POMGNT1: variants seen among roughly 807,000 people sequenced by gnomAD.
POMGNT1 encodes the protein protein O-linked-mannose beta-1,2-N-acetylglucosaminyltransferase 1.
In POMGNT1, 67 loss-of-function variants were observed where a neutral mutation model predicts 95.6. The observed-to-expected ratio is 0.70, with a 90% confidence interval of 0.58 to 0.86. The LOEUF (loss-of-function observed/expected upper bound fraction) is 0.86, where lower values mean the gene tolerates loss of function less well. POMGNT1 is among the 40% of genes least tolerant of loss of function. POMGNT1 has a pLI of 0.00. For synonymous variants in POMGNT1, 298 were observed against 317.9 expected, an observed-to-expected ratio of 0.94 and a Z score of 0.66; for missense variants, 719 against 855.2, an observed-to-expected ratio of 0.84 and a Z score of 1.99.
In POMGNT1 at chr1:46,189,097, A is replaced by G; in HGVS notation, c.*173T>C. 2.0e-6 allele frequency: 3 copies of G among 1,502,916 alleles called. No individual in the cohort carries two copies. The South Asian group carries it at 4.1e-5, about 20-fold the overall frequency. 93.1% of individuals were successfully genotyped at this position (1,502,916 alleles called of 1,614,324 possible). ...AAATAAATAGACTTTTAACTCAGGA[A>G]CGGGGTGTTGGAGCAGGGGAACCCT... On this transcript the variant is annotated 3_prime_UTR_variant, in exon 22 of 22. Coordinates refer to ENST00000371984, the MANE Select transcript of POMGNT1 (RefSeq NM_017739.4).
At chr1:46,197,496 G>C (rs754132410) in intron 2 of POMGNT1, 1 of 1,490,526 alleles carries the variant, frequency 6.7e-7, no homozygotes, top group Non-Finnish European at 8.9e-7. Context: ...TCCGTCAGAA[G>C]CTTAGAAGTT....
At chr1:46,190,561 C>G in intron 18 of POMGNT1, 44 bp from the exon 19 acceptor site, 1 of 1,555,926 alleles carries the variant, frequency 6.4e-7, no homozygotes, top group Non-Finnish European at 8.9e-7. Context: ...GGCAGGCCCT[C>G]AGGTCCCATG....
chr1:46,192,303 G>T lies in POMGNT1; in HGVS notation c.1413+5C>A. ...CCAGCCCCCTCACCCTACCCTGACA[G>T]TTACCTTTTCCGGTGTAGGCCACTT... is the stretch of plus-strand genomic sequence containing the variant. On this transcript the variant is annotated splice_donor_5th_base_variant and intron_variant, in intron 16 of 21. Transcript: ENST00000371984. 6.2e-7 allele frequency: 1 copy of T among 1,614,170 alleles called. No homozygotes were observed. Among genetic ancestry groups the T allele is most frequent in the South Asian group, 1.1e-5 (1 of 91,074 alleles).
At chr1:46,212,619 C>T (rs1324043531) in intron 1 of POMGNT1, among the ~76,000 whole-genome samples, 1 of 151,850 alleles carries the variant, frequency 6.6e-6, no homozygotes, top group African/African-American at 2.4e-5. Context: ...CTCTGTCACC[C>T]AAGCTATAGT....
chr1:46,216,498 C>T (rs1291670069), intron 1 of POMGNT1, among the ~76,000 whole-genome samples: 1 of 152,082 alleles, frequency 6.6e-6, no homozygotes, highest in African/African-American at 2.4e-5. Context: ...CATACCACCA[C>T]ACCTGACTAA....
Position 46,196,297 on chromosome 1 carries a change from A to G in POMGNT1, c.355-220T>C, listed in dbSNP as rs909848313. On this transcript the variant is annotated intron_variant, in intron 4 of 21. Coordinates refer to ENST00000371984, the MANE Select transcript of POMGNT1 (RefSeq NM_017739.4). The surrounding 1 kb of genome is among the most constrained non-coding windows in gnomAD (Gnocchi z 4.4). ...ACGTCTTTCTACAACCCTCCCCTCC[A>G]TGACTTTCATGGCTCTTAGAGCCTC... Among the ~76,000 whole-genome samples, 1 of 152,130 alleles carries G rather than the reference A, an allele frequency of 6.6e-6. No individual in the cohort carries two copies. Among genetic ancestry groups the G allele is most frequent in the Non-Finnish European group, 1.5e-5 (1 of 68,004 alleles).
At chr1:46,202,118 A>C (rs1024196189), upstream of POMGNT1, among the ~76,000 whole-genome samples, 2 of 151,238 alleles carry the variant, frequency 1.3e-5, no homozygotes, top group Non-Finnish European at 3.0e-5. Flanking sequence ...GAAAAAAAAA[A>C]ACTAAAAGTT....
chr1:46,190,595 G>A, intron 18 of POMGNT1, 78 bp from the exon 19 acceptor site: 1 of 1,533,052 alleles, frequency 6.5e-7, no homozygotes, highest in Non-Finnish European at 9.0e-7. Context: ...AGGGCAAGGG[G>A]TCACATGGGA....
At chr1:46,189,786 C>T in intron 20 of POMGNT1, 68 bp downstream of exon 20, 1 of 1,605,042 alleles carries the variant, frequency 6.2e-7, no homozygotes, top group South Asian at 1.1e-5. Context: ...GCAAAGGCTC[C>T]CTGGATCTTG....
chr1:46,212,246 A>G (rs12141928), intron 1 of POMGNT1, among the ~76,000 whole-genome samples: 31,613 of 151,938 alleles, frequency 0.21, 3,362 homozygotes, highest in Admixed American at 0.26. Context: ...GTTTTGGTCA[A>G]TGTCAGACCA....
intron 19 of POMGNT1, chr1:46,190,229 A>T: frequency 1.4e-5 from 9 of 647,686 alleles, no homozygotes; most frequent in Non-Finnish European, 1.6e-5. Flanking sequence ...TATTTTTAGT[A>T]GAGACAGGGT....
chr1:46,190,420 C>T, intron 19 of POMGNT1, 53 bp downstream of exon 19: 1 of 1,527,064 alleles, frequency 6.5e-7, no homozygotes, highest in Non-Finnish European at 9.1e-7. Flanking sequence ...GGCCAAGATC[C>T]CCAGTATTTG....
intron 17 of POMGNT1, chr1:46,191,704 G>T: frequency 3.0e-6 from 1 of 330,084 alleles, no homozygotes; most frequent in Non-Finnish European, 5.9e-6. Flanking sequence ...GCGTGATCTT[G>T]GCTCACAGCA....
rs753623156 is a variant in POMGNT1, at chr1:46,203,650, G to A, written c.-50-5779C>T. 7 of 1,592,626 alleles carry A rather than the reference G, an allele frequency of 4.4e-6. No individual in the cohort carries two copies. In the South Asian group the frequency reaches 7.8e-5, roughly 18 times the overall value. ...GTGAGTGCTGAATCCATGGGCCAAG[G>A]GGACGAGTCCCTAGTGTAGGGCCGG... On this transcript the variant is annotated intron_variant, in intron 1 of 22. Transcript: ENST00000371992.
At chr1:46,199,308 G>A (rs565689141), upstream of POMGNT1, among the ~76,000 whole-genome samples, 2 of 152,352 alleles carry the variant, frequency 1.3e-5, no homozygotes, top group South Asian at 4.1e-4. Flanking sequence ...GCTAGGAGAG[G>A]TGGAATTGAA....
At chr1:46,194,498 C>T in intron 8 of POMGNT1, 55 bp downstream of exon 8, 1 of 1,614,158 alleles carries the variant, frequency 6.2e-7, no homozygotes, top group African/African-American at 1.3e-5. Flanking sequence ...ACAGAGAGAT[C>T]TAAATGCCCA....
intron 1 of POMGNT1, chr1:46,203,564 A>G (rs552194278): frequency 2.5e-6 from 4 of 1,573,518 alleles, no homozygotes; most frequent in East Asian, 2.3e-5. Flanking sequence ...TGCTGCTCCC[A>G]GGGGCGTCTA....
chr1:46,207,932 A>G (rs540476749), intron 1 of POMGNT1, among the ~76,000 whole-genome samples: 143 of 151,610 alleles, frequency 9.4e-4, no homozygotes, highest in Non-Finnish European at 1.4e-3. Flanking sequence ...CAATGGCGTG[A>G]TCTCGGCTCA....
intron 1 of POMGNT1, among the ~76,000 whole-genome samples, chr1:46,211,280 A>T (rs1386143635): frequency 6.6e-6 from 1 of 152,166 alleles, no homozygotes; most frequent in Non-Finnish European, 1.5e-5. Context: ...CTTATGACCC[A>T]CAATCAGATT....
Sources: allele counts gnomAD v4.1 joint callset (sites outside exome capture counted in the v4.1 genomes callset), GRCh38; gene constraint gnomAD v4.1.1; non-coding constraint Gnocchi (gnomAD v3.1); transcripts MANE v1.5; gene names NCBI Gene and HGNC (gene_info 2026-07-23, HGNC 2026-07-21).